FANCL: variants seen among roughly 807,000 people sequenced by gnomAD.
The protein encoded by FANCL is E3 ubiquitin-protein ligase FANCL.
In FANCL, 69 loss-of-function variants were observed where a neutral mutation model predicts 59.4. That is an observed-to-expected ratio of 1.16 (90% CI 0.96 to 1.42). The LOEUF (loss-of-function observed/expected upper bound fraction) is 1.42, where lower values mean the gene tolerates loss of function less well. FANCL is among the 40% of genes most tolerant of loss of function. The pLI is 0.00. For synonymous variants in FANCL, 180 were observed against 147.1 expected, an observed-to-expected ratio of 1.22 and a Z score of -1.62; for missense variants, 519 against 447.2, an observed-to-expected ratio of 1.16 and a Z score of -1.45.
At chr2:58,207,583 CT>C (rs1363417431) in intron 5 of FANCL, among the ~76,000 whole-genome samples, 4 of 152,250 alleles carry the variant, frequency 2.6e-5, no homozygotes, top group Admixed American at 6.5e-5. Flanking sequence ...CTTGTTTCAA[CT>C]ACTGAGGATT....
chr2:58,229,742 G>T, intron 3 of FANCL, 72 bp downstream of exon 3: 1 of 1,111,834 alleles, frequency 9.0e-7, no homozygotes, highest in Non-Finnish European at 1.4e-6. Flanking sequence ...TGCAAAGCAG[G>T]TCTTTAAAGA....
intron 8 of FANCL, among the ~76,000 whole-genome samples, chr2:58,164,953 T>C (rs906854048): frequency 1.3e-5 from 2 of 152,076 alleles, no homozygotes; most frequent in African/African-American, 4.8e-5. Flanking sequence ...GTATAAAAAT[T>C]GCTCACTAAC....
intron 3 of FANCL, among the ~76,000 whole-genome samples, chr2:58,229,397 T>C (rs530136438): frequency 2.0e-5 from 3 of 152,330 alleles, no homozygotes; most frequent in East Asian, 3.9e-4. Context: ...CCCCTCATTA[T>C]GCAAGTACAC....
intron 5 of FANCL, 109 bp downstream of exon 5, chr2:58,221,833 C>A: frequency 1.3e-6 from 1 of 747,432 alleles, no homozygotes; most frequent in Non-Finnish European, 2.3e-6. Flanking sequence ...ACTCTAGTTA[C>A]AATTAAACAC....
At position 58,165,615 on chromosome 2, in the gene FANCL, T is replaced by G. The variant is rs915113409; in HGVS notation, c.691+109A>C. On this transcript the variant is annotated intron_variant, in intron 8 of 13. Coordinates refer to ENST00000233741, the MANE Select transcript of FANCL (RefSeq NM_018062.4). ...AAAAGTTTATACTAGAAAATTTTAA[T>G]AGTTGACTTCATATAAAGAAGTCTG... 92 of 1,375,074 alleles carry G rather than the reference T, an allele frequency of 6.7e-5. No homozygotes were observed. The African/African-American group carries it at 1.0e-3, about 15-fold the overall frequency. The allele number at this position is 1,375,074 out of a possible 1,614,324, so 85.2% of individuals were successfully genotyped here.
At chr2:58,226,808 A>T in intron 3 of FANCL, 24 bp from the exon 4 acceptor site, 6 of 1,590,592 alleles carry the variant, frequency 3.8e-6, no homozygotes, top group Non-Finnish European at 5.2e-6. Context: ...TTTCCAATTA[A>T]TTTCATTTGC....
chr2:58,235,002 A>G (rs189641790), intron 1 of FANCL, among the ~76,000 whole-genome samples: 1 of 152,156 alleles, frequency 6.6e-6, no homozygotes, highest in East Asian at 1.9e-4. Flanking sequence ...AAAATGCCTA[A>G]AATTGTCTGG....
At chr2:58,166,377 A>T (rs564482115) in intron 7 of FANCL, among the ~76,000 whole-genome samples, 1 of 152,324 alleles carries the variant, frequency 6.6e-6, no homozygotes, top group African/African-American at 2.4e-5. Context: ...GCAGAGTATG[A>T]AAAGGTTTTA....
chr2:58,185,812 G>C (rs1688344670), intron 7 of FANCL, among the ~76,000 whole-genome samples: 1 of 152,130 alleles, frequency 6.6e-6, no homozygotes, highest in Non-Finnish European at 1.5e-5. Context: ...AATTCTGTTA[G>C]TTCCATGACT....
chr2:58,204,301 G>C (rs920053017), intron 5 of FANCL, 75 bp from the exon 6 acceptor site: 4 of 1,098,058 alleles, frequency 3.6e-6, no homozygotes, highest in African/African-American at 1.5e-5. Context: ...GGTTGAATTT[G>C]AAATGAAAAT....
chr2:58,214,242 T>C (rs532863732), intron 5 of FANCL, among the ~76,000 whole-genome samples: 1 of 152,340 alleles, frequency 6.6e-6, no homozygotes, highest in African/African-American at 2.4e-5. Context: ...ATCCTTATTT[T>C]TGGCTTTCAT....
At chr2:58,234,891 CCTT>C (rs768324044) in intron 1 of FANCL, among the ~76,000 whole-genome samples, 15 of 151,982 alleles carry the variant, frequency 9.9e-5, no homozygotes, top group Non-Finnish European at 1.6e-4. Flanking sequence ...TATCTTCCCT[CCTT>C]ATTTAAAAAT....
chr2:58,236,020 T>G (rs1313550274), intron 1 of FANCL, among the ~76,000 whole-genome samples: 1 of 144,854 alleles, frequency 6.9e-6, no homozygotes, highest in East Asian at 2.0e-4. Context: ...GTATTTGGAG[T>G]GCCCAACACA....
chr2:58,213,369 G>C (rs147410804), intron 5 of FANCL: 1 of 152,180 alleles, frequency 6.6e-6, no homozygotes, highest in African/African-American at 2.4e-5. Context: ...CAGTGTATGT[G>C]TGTACCAGAC....
intron 6 of FANCL, among the ~76,000 whole-genome samples, chr2:58,202,903 C>A (rs1398221471): frequency 1.3e-5 from 2 of 151,248 alleles, no homozygotes; most frequent in Non-Finnish European, 3.0e-5. Context: ...TTTTGGTCTT[C>A]ATAGAAAAAC....
At chr2:58,218,717 C>T (rs1692099344) in intron 5 of FANCL, among the ~76,000 whole-genome samples, 2 of 151,750 alleles carry the variant, frequency 1.3e-5, no homozygotes, top group Admixed American at 1.3e-4. Context: ...TGCACGTATA[C>T]TGCAACTGAA....
Position 58,159,739 on chromosome 2 carries a change from C to T in FANCL, c.*26G>A. ...TTGATAATTTTTTAAGTTTCCAGCTCTTCACCGAAATGTTGTATTCTTATT... is the reference window on the plus strand; with the variant it reads ...TTGATAATTTTTTAAGTTTCCAGCTTTTCACCGAAATGTTGTATTCTTATT... On this transcript the variant is annotated 3_prime_UTR_variant, in exon 14 of 14. Transcript: ENST00000233741. 6.2e-7 allele frequency: 1 copy of T among 1,612,862 alleles called. No homozygotes were observed. Among genetic ancestry groups the T allele is most frequent in the Non-Finnish European group, 8.5e-7 (1 of 1,179,548 alleles).
chr2:58,169,726 A>T (rs1410139058), intron 7 of FANCL, among the ~76,000 whole-genome samples: 1 of 152,214 alleles, frequency 6.6e-6, no homozygotes, highest in African/African-American at 2.4e-5. Context: ...GATGAAGCTG[A>T]AAAACACAGC....
Position 58,163,466 on chromosome 2 carries a change from A to C in FANCL, c.743T>G (p.Leu248Arg), listed in dbSNP as rs749711870. 1.2e-6 allele frequency: 2 copies of C among 1,611,312 alleles called. No individual in the cohort carries two copies. The highest frequency in any genetic ancestry group is 1.7e-6 in the Non-Finnish European group (2 of 1,177,624). Reference sequence around the variant, plus strand: ...AGCTCCAAGAAAGAAGCACTCAGGAAGCATAGTAGGATGCCTGGGGTCTAC... The same window carrying C: ...AGCTCCAAGAAAGAAGCACTCAGGACGCATAGTAGGATGCCTGGGGTCTAC... ...IEVDPRHPTM[L>R]PECFFLGADH... is the part of the protein sequence containing the mutation. Residue 248 changes from leucine to arginine, a missense_variant, in exon 9 of 14, where the codon CTT becomes CGT. Transcript: ENST00000233741.
Sources: allele counts gnomAD v4.1 joint callset (sites outside exome capture counted in the v4.1 genomes callset), GRCh38; gene constraint gnomAD v4.1.1; transcripts MANE v1.5; gene names NCBI Gene and HGNC (gene_info 2026-07-23, HGNC 2026-07-21).